The following TMEM131 variants were observed in gnomAD, a reference collection of about 807,000 sequenced individuals.
The protein encoded by TMEM131 is 2610524E03Rik.
In TMEM131, 66 loss-of-function variants were observed where a neutral mutation model predicts 211.6. The ratio of observed to expected loss-of-function variants is 0.31; its 90% CI spans 0.26 to 0.38. TMEM131 has a LOEUF of 0.38. Ranked by LOEUF, TMEM131 falls within the 10% of genes least tolerant of loss-of-function variation. TMEM131 has a pLI of 1.00. For missense variants in TMEM131, 2,036 were observed against 2,299.3 expected (o/e 0.89, Z 2.34); for synonymous variants, 844 against 841.3 (o/e 1.00, Z -0.06).
intron 17 of TMEM131, 27 bp downstream of exon 17, chr2:97,812,394 T>C: frequency 6.3e-7 from 1 of 1,587,576 alleles, no homozygotes; most frequent in Non-Finnish European, 8.5e-7. Flanking sequence ...CATCTTACTT[T>C]AAGGAGACAA....
intron 33 of TMEM131, among the ~76,000 whole-genome samples, chr2:97,768,449 G>A (rs1383455597): frequency 6.7e-6 from 1 of 149,998 alleles, no homozygotes; most frequent in African/African-American, 2.4e-5. Flanking sequence ...CACTGTAAAA[G>A]TAATTGGTTT....
Position 97,935,876 on chromosome 2 carries a change from T to C in TMEM131, c.188-8389A>G, listed in dbSNP as rs140442232. Reference sequence around the variant, plus strand: ...GAATCTCAACAAGAACAGTGAAATATGTGGCATTTAACTTTTCTATTCTCA... The same window carrying C: ...GAATCTCAACAAGAACAGTGAAATACGTGGCATTTAACTTTTCTATTCTCA... On this transcript the variant is annotated intron_variant, in intron 1 of 40. Coordinates refer to ENST00000186436, the MANE Select transcript of TMEM131 (RefSeq NM_015348.2). Among the ~76,000 whole-genome samples, 204 of 152,328 alleles carry C rather than the reference T, an allele frequency of 1.3e-3. 1 individual carries two copies. Among genetic ancestry groups the C allele is most frequent in the African/African-American group, 4.4e-3 (184 of 41,572 alleles).
At chr2:97,757,620 C>CA (rs1678565560) in intron 40 of TMEM131, among the ~76,000 whole-genome samples, 1 of 152,222 alleles carries the variant, frequency 6.6e-6, no homozygotes, top group African/African-American at 2.4e-5. Flanking sequence ...ACTGCAGCCT[C>CA]AAACTCCTGG....
In TMEM131 at chr2:97,805,194, C is replaced by T; in HGVS notation, c.2296G>A (p.Val766Met). 4 of 1,612,802 alleles carry T rather than the reference C, an allele frequency of 2.5e-6. No individual in the cohort carries two copies. Among genetic ancestry groups the T allele is most frequent in the Non-Finnish European group, 3.4e-6 (4 of 1,179,488 alleles). Residue 766 changes from valine (V) to methionine (M), a missense_variant, in exon 22 of 41, where the codon GTG becomes ATG. Val to Met is a conservative substitution (Grantham distance 21). Transcript: ENST00000186436. ...LPFLSKSEPKVQPGVAMQEDM... is the reference protein window; with the variant it reads ...LPFLSKSEPKMQPGVAMQEDM... Reference sequence around the variant, plus strand: ...TCCTGCATGGCTACACCAGGCTGCACTTTGGGTTCAGCTAAAACAAGGAAA... The same window carrying T: ...TCCTGCATGGCTACACCAGGCTGCATTTTGGGTTCAGCTAAAACAAGGAAA...
intron 22 of TMEM131, among the ~76,000 whole-genome samples, chr2:97,803,971 T>A (rs1033378250): frequency 1.3e-5 from 2 of 152,238 alleles, no homozygotes; most frequent in Non-Finnish European, 2.9e-5. Flanking sequence ...GTATTCATTT[T>A]AACCATCTTT....
chr2:97,899,609 GC>G (rs1675764648), intron 3 of TMEM131, among the ~76,000 whole-genome samples: 1 of 152,084 alleles, frequency 6.6e-6, no homozygotes, highest in Non-Finnish European at 1.5e-5. Flanking sequence ...TGGGAAACAG[GC>G]ACTTTTTTTC....
intron 11 of TMEM131, among the ~76,000 whole-genome samples, chr2:97,823,784 C>T (rs528197195): frequency 1.1e-4 from 17 of 152,276 alleles, no homozygotes; most frequent in Admixed American, 9.1e-4. Flanking sequence ...CGAGCAGCTA[C>T]GGGAGGTCTT....
At chr2:97,988,381 T>A (rs1056960566) in intron 1 of TMEM131, among the ~76,000 whole-genome samples, 8 of 152,168 alleles carry the variant, frequency 5.3e-5, no homozygotes, top group Admixed American at 3.9e-4. Context: ...AGGGAAAAAG[T>A]TCATGACATT....
At chr2:97,776,061 C>CTT in intron 31 of TMEM131, 43 bp from the exon 32 acceptor site, 19 of 1,390,682 alleles carry the variant, frequency 1.4e-5, no homozygotes, top group African/African-American at 5.9e-5. Context: ...GTTTTTGTTT[C>CTT]TTTTTTTTTT....
chr2:97,781,914 C>A (rs77154373), intron 31 of TMEM131, among the ~76,000 whole-genome samples: 3 of 152,234 alleles, frequency 2.0e-5, no homozygotes, highest in Admixed American at 2.0e-4. Context: ...TCCAGGCCAA[C>A]ACCACGGTAA....
chr2:97,945,835 G>T (rs1001470888), intron 1 of TMEM131, among the ~76,000 whole-genome samples: 3 of 152,154 alleles, frequency 2.0e-5, no homozygotes, highest in Non-Finnish European at 4.4e-5. Context: ...AAATCTCAAC[G>T]TTTGAACACA....
intron 5 of TMEM131, among the ~76,000 whole-genome samples, chr2:97,844,805 T>G (rs1450974144): frequency 1.3e-5 from 2 of 152,098 alleles, no homozygotes; most frequent in South Asian, 2.1e-4. Flanking sequence ...GTTAGTAAAA[T>G]AAAATGTTAT....
Position 97,757,293 on chromosome 2 carries a change from T to C in TMEM131, c.5458A>G (p.Thr1820Ala). The change falls in exon 41 of 41, where the codon ACC becomes GCC. Residue 1820 changes from threonine to alanine, a missense_variant. Transcript: ENST00000186436. ...CTTGCCAGCGTGTTTGCTGGAGTGG[T>C]GAAGGGAAGGGCGCTGCTAAGGTTG... ...SSNLSSALPF[T>A]TPANTLASIG... 1 of 1,613,552 alleles carries C rather than the reference T, an allele frequency of 6.2e-7. No homozygotes were observed.
At chr2:97,967,618 ATGGAAAATTTT>A in intron 1 of TMEM131, among the ~76,000 whole-genome samples, 1 of 152,316 alleles carries the variant, frequency 6.6e-6, no homozygotes, top group East Asian at 1.9e-4. Context: ...GAACGGTGCA[ATGGAAAATTTT>A]TCAAGAGGGT....
At chr2:97,887,991 T>C in intron 4 of TMEM131, 61 bp downstream of exon 4, 1 of 1,309,082 alleles carries the variant, frequency 7.6e-7, no homozygotes, top group East Asian at 2.3e-5. Flanking sequence ...ACAAGACAAA[T>C]GCATGTAAAA....
intron 1 of TMEM131, among the ~76,000 whole-genome samples, chr2:97,993,236 C>G (rs549269787): frequency 1.3e-3 from 199 of 152,266 alleles, no homozygotes; most frequent in Non-Finnish European, 2.5e-3. Context: ...AAATTTTAAA[C>G]TAGTTTATGC....
intron 5 of TMEM131, among the ~76,000 whole-genome samples, chr2:97,851,759 T>G (rs1050710788): frequency 2.0e-5 from 3 of 152,248 alleles, no homozygotes; most frequent in African/African-American, 7.2e-5. Flanking sequence ...AAAAATGTTA[T>G]GTGTGTTCTC....
At chr2:97,851,624 T>C (rs992752459) in intron 5 of TMEM131, among the ~76,000 whole-genome samples, 2 of 152,228 alleles carry the variant, frequency 1.3e-5, no homozygotes, top group Non-Finnish European at 2.9e-5. Context: ...TTGGCAATCT[T>C]GCAATATTTC....
At chr2:97,891,864 C>T (rs1416310808) in intron 3 of TMEM131, among the ~76,000 whole-genome samples, 1 of 151,808 alleles carries the variant, frequency 6.6e-6, no homozygotes, top group Non-Finnish European at 1.5e-5. Context: ...AGAATGGACC[C>T]CAGAAACCTG....
Sources: allele counts gnomAD v4.1 joint callset (sites outside exome capture counted in the v4.1 genomes callset), GRCh38; gene constraint gnomAD v4.1.1; transcripts MANE v1.5; gene names NCBI Gene and HGNC (gene_info 2026-07-23, HGNC 2026-07-21).